Variants in DCP2 observed in about 807,000 individuals in gnomAD.
DCP2 encodes the protein decapping mRNA 2.
In DCP2, 30 loss-of-function variants were observed where a neutral mutation model predicts 56.1. The observed-to-expected ratio is 0.53, with a 90% CI of 0.40 to 0.73. The LOEUF (loss-of-function observed/expected upper bound fraction) is 0.73. DCP2 is among the 30% of genes least tolerant of loss of function. The pLI is 0.00. For missense variants in DCP2, 533 were observed against 502.7 expected (o/e 1.06, Z -0.58); for synonymous variants, 197 against 163.3 (o/e 1.21, Z -1.57).
intron 4 of DCP2, among the ~76,000 whole-genome samples, chr5:112,996,018 G>T (rs1461100011): frequency 6.6e-6 from 1 of 152,172 alleles, no homozygotes; most frequent in Non-Finnish European, 1.5e-5. Context: ...TCAGATTAGG[G>T]CCCTGCCCTT....
rs202084550 is a variant in DCP2 at position 112,977,002 on chromosome 5, A to C, written c.53+16A>C. ...ATCTCTGCAGGTACCGCGCTACCCG[A>C]CCCCCTTTCGCCCCCGTCGGGTTTT... On this transcript the variant is annotated intron_variant, in intron 1 of 10. Transcript: ENST00000389063. 16 of 1,503,614 alleles carry C rather than the reference A, an allele frequency of 1.1e-5. No homozygotes were observed. In the East Asian group the frequency reaches 2.5e-4, roughly 24 times the overall value. The allele number at this position is 1,503,614 out of a possible 1,614,324, so 93.1% of individuals were successfully genotyped here. A position where few individuals can be genotyped will look rare whatever the true frequency, so the allele number is the denominator to read the frequency against.
chr5:112,995,744 T>C (rs1371873584), intron 4 of DCP2, among the ~76,000 whole-genome samples: 3 of 152,250 alleles, frequency 2.0e-5, no homozygotes, highest in Admixed American at 1.3e-4. Flanking sequence ...AGTTTGACTT[T>C]TGATTTTTAA....
At chr5:113,010,948 A>G in intron 10 of DCP2, 141 bp downstream of exon 10, 1 of 840,064 alleles carries the variant, frequency 1.2e-6, no homozygotes, top group Non-Finnish European at 1.7e-6. Flanking sequence ...GAGTTCATGT[A>G]TGTAGAGTTC....
intron 2 of DCP2, among the ~76,000 whole-genome samples, chr5:112,986,259 C>T (rs1420845507): frequency 6.6e-6 from 1 of 151,990 alleles, no homozygotes; most frequent in Non-Finnish European, 1.5e-5. Context: ...CCTGTTTGTA[C>T]AACTTTACTC....
intron 4 of DCP2, among the ~76,000 whole-genome samples, chr5:113,000,410 A>G: frequency 9.7e-6 from 1 of 103,346 alleles, no homozygotes; most frequent in South Asian, 3.7e-4. Context: ...ACACACACAC[A>G]CACACACACA....
chr5:112,984,695 A>ATATATATATATATATATATATATATATAT (rs1332407058), intron 1 of DCP2: 2 of 75,750 alleles, frequency 2.6e-5, no homozygotes, highest in Admixed American at 1.2e-4. Context: ...TTAAAAAAAA[A>ATATATATATATATATATATATATATATAT]AAAAAAAAAT....
At chr5:112,981,660 A>G (rs1187142976) in intron 1 of DCP2, among the ~76,000 whole-genome samples, 1 of 152,194 alleles carries the variant, frequency 6.6e-6, no homozygotes, top group Admixed American at 6.5e-5. Context: ...TATCTGAATG[A>G]ATTCTCCGTT....
At chr5:113,000,399 T>TACACACACACAC (rs758225763) in intron 4 of DCP2, among the ~76,000 whole-genome samples, 1 of 123,594 alleles carries the variant, frequency 8.1e-6, no homozygotes, top group African/African-American at 3.0e-5. Flanking sequence ...ACTTGTCTAA[T>TACACACACACAC]ACACACACAC....
rs1259036840 is a variant in DCP2 at position 113,013,880 on chromosome 5, C to G, written c.*396C>G. ...AGTATATTGGAGTTTTTCAAAGAAACTTAAAGTAATGCCCAATTATTAAAT... is the reference window on the plus strand; with the variant it reads ...AGTATATTGGAGTTTTTCAAAGAAAGTTAAAGTAATGCCCAATTATTAAAT... On this transcript the variant is annotated 3_prime_UTR_variant, in exon 11 of 11. Coordinates refer to ENST00000389063, the MANE Select transcript of DCP2 (RefSeq NM_152624.6). 6.4e-6 allele frequency: 1 copy of G among 156,490 alleles called. No individual in the cohort carries two copies. Among genetic ancestry groups the G allele is most frequent in the African/African-American group, 2.4e-5 (1 of 41,560 alleles). The allele number at this position is 156,490 out of a possible 1,614,324, so 9.7% of individuals were successfully genotyped here.
rs1331986017 is a variant in DCP2, at chr5:113,016,482, G to A, written c.*2998G>A. On this transcript the variant is annotated 3_prime_UTR_variant, in exon 11 of 11. Coordinates refer to ENST00000389063, the MANE Select transcript of DCP2 (RefSeq NM_152624.6). ...TATTAAATATCAATTAGTAAGTATA[G>A]CTAATGAAGACATATAATGAAAGTA... 1 of 152,154 alleles carries A rather than the reference G, an allele frequency of 6.6e-6. No homozygotes were observed. The highest frequency in any genetic ancestry group is 1.5e-5 in the Non-Finnish European group (1 of 68,022). The allele number at this position is 152,154 out of a possible 1,614,324, so 9.4% of individuals were successfully genotyped here. A position where few individuals can be genotyped will look rare whatever the true frequency, so the allele number is the denominator to read the frequency against.
At position 112,992,047 on chromosome 5, in the gene DCP2, A is replaced by G. The variant is rs567418458; in HGVS notation, c.206-74A>G. The G allele has an allele frequency of 2.7e-4, 422 of 1,555,256 alleles. No individual in the cohort carries two copies. In the African/African-American group the frequency reaches 5.5e-3, roughly 20 times the overall value. Reference sequence around the variant, plus strand: ...TCACATGAAATACACTATTGATTTAAATGGGTCTCTTTCTGTATATAATTT... The same window carrying G: ...TCACATGAAATACACTATTGATTTAGATGGGTCTCTTTCTGTATATAATTT... On this transcript the variant is annotated intron_variant, in intron 2 of 10. Coordinates refer to ENST00000389063, the MANE Select transcript of DCP2 (RefSeq NM_152624.6).
chr5:113,001,780 A>C, intron 7 of DCP2, 106 bp downstream of exon 7: 1 of 1,035,152 alleles, frequency 9.7e-7, no homozygotes, highest in Non-Finnish European at 1.5e-6. Flanking sequence ...TTCTTTTTAT[A>C]GATACTCTTT....
chr5:113,006,694 A>G (rs1486805435), intron 8 of DCP2, among the ~76,000 whole-genome samples: 2 of 152,190 alleles, frequency 1.3e-5, no homozygotes, highest in South Asian at 4.1e-4. Context: ...TCTTTTCAAT[A>G]TCTCAAACAA....
At chr5:113,006,117 C>CAA (rs75106280) in intron 8 of DCP2, among the ~76,000 whole-genome samples, 924 of 62,236 alleles carry the variant, frequency 0.015, 4 homozygotes, top group Middle Eastern at 0.024. Flanking sequence ...ACCCTATCTC[C>CAA]AAAAAAAAAA....
intron 7 of DCP2, 29 bp downstream of exon 7, chr5:113,001,703 T>G (rs555415112): frequency 2.3e-5 from 37 of 1,584,626 alleles, no homozygotes; most frequent in Non-Finnish European, 3.2e-5. Flanking sequence ...GGAATCCTGA[T>G]TTTCTAATAG....
chr5:113,013,860 A>G lies in DCP2; in HGVS notation c.*376A>G, dbSNP rs1415703281. 2 of 160,868 alleles carry G rather than the reference A, an allele frequency of 1.2e-5. No homozygotes were observed. The highest frequency in any genetic ancestry group is 4.8e-5 in the African/African-American group (2 of 41,756). 10.0% of individuals were successfully genotyped at this position (160,868 alleles called of 1,614,324 possible). ...GTTACAGTGATTGCAATAATAGTAT[A>G]TTGGAGTTTTTCAAAGAAACTTAAA... On this transcript the variant is annotated 3_prime_UTR_variant, in exon 11 of 11. Transcript: ENST00000389063.
rs1366157747 is a variant in DCP2 at position 113,019,385 on chromosome 5, A to G, written c.*5901A>G. Reference sequence around the variant, plus strand: ...CTATACATATGATACGCACTGACAGAAAAGCACAGAAGACATACTGCTAAG... The same window carrying G: ...CTATACATATGATACGCACTGACAGGAAAGCACAGAAGACATACTGCTAAG... On this transcript the variant is annotated 3_prime_UTR_variant, in exon 11 of 11. Transcript: ENST00000389063. 6.6e-6 allele frequency: 1 copy of G among 152,244 alleles called. No homozygotes were observed. Among genetic ancestry groups the G allele is most frequent in the Non-Finnish European group, 1.5e-5 (1 of 68,038 alleles). 9.4% of individuals were successfully genotyped at this position (152,244 alleles called of 1,614,324 possible).
Position 113,013,592 on chromosome 5 carries a change from G to GC in DCP2, c.*109dup. 7.6e-7 allele frequency: 1 copy of GC among 1,322,500 alleles called. No individual in the cohort carries two copies. The highest frequency in any genetic ancestry group is 1.4e-5 in the South Asian group (1 of 70,478). The allele number at this position is 1,322,500 out of a possible 1,614,324, so 81.9% of individuals were successfully genotyped here. The stretch of plus-strand genomic sequence containing the variant: ...AGGTGTTTTAAAGAAATGCAGGGAG[G>GC]CAATGTTTCTGAAGACATTTTCTGT... On this transcript the variant is annotated 3_prime_UTR_variant, in exon 11 of 11. Coordinates refer to ENST00000389063, the MANE Select transcript of DCP2 (RefSeq NM_152624.6).
chr5:112,986,333 T>A (rs1379721401), intron 2 of DCP2, among the ~76,000 whole-genome samples: 1 of 138,594 alleles, frequency 7.2e-6, no homozygotes, highest in Non-Finnish European at 1.5e-5. Context: ...TTATTTAGAA[T>A]TTTTTTTCTT....
Sources: allele counts gnomAD v4.1 joint callset (sites outside exome capture counted in the v4.1 genomes callset), GRCh38; gene constraint gnomAD v4.1.1; transcripts MANE v1.5; gene names NCBI Gene and HGNC (gene_info 2026-07-23, HGNC 2026-07-21).